The following WDPCP variants were observed in gnomAD, a reference collection of about 807,000 sequenced individuals.
WDPCP encodes the protein WD repeat-containing and planar cell polarity effector protein fritz homolog.
A neutral mutation model predicts 93.1 loss-of-function variants in WDPCP; 71 were observed. That is an observed-to-expected ratio of 0.76 (90% CI 0.63 to 0.93). WDPCP has a LOEUF of 0.93. Among genes scored for constraint, WDPCP ranks in the 40% least tolerant of loss-of-function variants. The probability of loss-of-function intolerance (pLI) is 0.00; values close to 1 mark genes in which losing one functional copy is unlikely to be tolerated. For missense variants in WDPCP, 844 were observed against 887.4 expected (o/e 0.95, Z 0.62); for synonymous variants, 315 against 315.0 (o/e 1.00, Z 0.00).
chr2:63,175,649 A>G (rs543298132), intron 14 of WDPCP, among the ~76,000 whole-genome samples: 3 of 152,296 alleles, frequency 2.0e-5, no homozygotes, highest in African/African-American at 7.2e-5. Flanking sequence ...TATGAATTTG[A>G]TAACTTTAGA....
Position 63,381,943 on chromosome 2 carries a change from G to A in WDPCP, c.1587C>T (p.Asn529=), listed in dbSNP as rs763698807. Residue 529 remains asparagine, a synonymous_variant, in exon 11 of 18, where the codon AAC becomes AAT. Coordinates refer to ENST00000272321, the MANE Select transcript of WDPCP (RefSeq NM_015910.7). ...QCFISMSAIV[N]HLLRQKLTPE... is the part of the protein sequence containing the mutation. ...GAGTGAGCTTCTGTCTAAGAAGATG[G>A]TTTACAATGGCGCTCATGCTGATAA... 2.0e-5 allele frequency: 33 copies of A among 1,613,334 alleles called. No homozygotes were observed. The highest frequency in any genetic ancestry group is 6.7e-5 in the Admixed American group (4 of 59,886).
At chr2:63,579,073 A>T (rs558828351) in intron 1 of WDPCP, among the ~76,000 whole-genome samples, 2 of 152,282 alleles carry the variant, frequency 1.3e-5, no homozygotes, top group East Asian at 3.9e-4. Context: ...GTTCTCCAGA[A>T]AATAATTGAA....
At chr2:63,532,460 A>G (rs969372555) in intron 1 of WDPCP, among the ~76,000 whole-genome samples, 2 of 152,210 alleles carry the variant, frequency 1.3e-5, no homozygotes, top group African/African-American at 4.8e-5. Flanking sequence ...AGCCAGAAAG[A>G]AAGGTCGGGT....
intron 2 of WDPCP, among the ~76,000 whole-genome samples, chr2:63,775,488 T>C (rs1670289170): frequency 1.3e-5 from 2 of 152,234 alleles, no homozygotes; most frequent in South Asian, 4.1e-4. Flanking sequence ...AGCAGTTGGC[T>C]TGTTTGTGTC....
intron 9 of WDPCP, among the ~76,000 whole-genome samples, chr2:63,417,959 G>A (rs1361630320): frequency 6.6e-6 from 1 of 151,988 alleles, no homozygotes; most frequent in East Asian, 1.9e-4. Flanking sequence ...ATGCTAATGT[G>A]ATAGACCAAG....
intron 9 of WDPCP, among the ~76,000 whole-genome samples, chr2:63,412,119 T>C (rs1014060698): frequency 4.6e-5 from 7 of 152,110 alleles, no homozygotes; most frequent in African/African-American, 1.7e-4. Flanking sequence ...ACATTGATGC[T>C]AAACTCCTTA....
chr2:63,194,343 G>C (rs191928544), intron 14 of WDPCP, among the ~76,000 whole-genome samples: 369 of 152,208 alleles, frequency 2.4e-3, no homozygotes, highest in African/African-American at 8.8e-3. Context: ...TGACCCAAAA[G>C]GGTGATAACA....
intron 13 of WDPCP, among the ~76,000 whole-genome samples, chr2:63,312,318 T>C (rs1350914572): frequency 6.6e-6 from 1 of 152,326 alleles, no homozygotes; most frequent in East Asian, 1.9e-4. Flanking sequence ...AACTACAAAA[T>C]GTCTTCACTG....
intron 14 of WDPCP, among the ~76,000 whole-genome samples, chr2:63,197,118 C>T (rs2104290330): frequency 6.6e-6 from 1 of 152,272 alleles, no homozygotes; most frequent in East Asian, 1.9e-4. Context: ...ATGTATTCTG[C>T]CTCTGCCACC....
chr2:63,763,638 T>C (rs1166745321), intron 2 of WDPCP, among the ~76,000 whole-genome samples: 1 of 152,106 alleles, frequency 6.6e-6, no homozygotes, highest in Non-Finnish European at 1.5e-5. Flanking sequence ...CCAAAATTCC[T>C]CTCATATATT....
intron 14 of WDPCP, among the ~76,000 whole-genome samples, chr2:63,231,794 T>C (rs1678912807): frequency 6.6e-6 from 1 of 152,176 alleles, no homozygotes; most frequent in Admixed American, 6.6e-5. Flanking sequence ...CCCATCAAGC[T>C]ACCATTGACT....
chr2:63,606,188 C>T (rs1709524895), intron 3 of WDPCP, among the ~76,000 whole-genome samples: 1 of 152,156 alleles, frequency 6.6e-6, no homozygotes, highest in Non-Finnish European at 1.5e-5. Context: ...TCAAGACCAG[C>T]CGGGGCAACA....
chr2:63,731,079 G>A (rs760986919), intron 2 of WDPCP, among the ~76,000 whole-genome samples: 3 of 152,052 alleles, frequency 2.0e-5, no homozygotes, highest in Non-Finnish European at 4.4e-5. Flanking sequence ...GACAATCCTG[G>A]CAAACATGGT....
At chr2:63,453,400 C>A (rs997916050) in intron 6 of WDPCP, among the ~76,000 whole-genome samples, 1 of 152,072 alleles carries the variant, frequency 6.6e-6, no homozygotes, top group South Asian at 2.1e-4. Context: ...TGAGATATGA[C>A]CTCACACCAG....
At chr2:63,369,495 C>G (rs996396178) in intron 12 of WDPCP, 6 of 456,420 alleles carry the variant, frequency 1.3e-5, no homozygotes, top group African/African-American at 8.0e-5. Flanking sequence ...CGAGGAGTTA[C>G]AAGCAAAAGA....
chr2:63,595,949 T>C (rs1010079652), intron 3 of WDPCP, among the ~76,000 whole-genome samples: 1 of 152,172 alleles, frequency 6.6e-6, no homozygotes, highest in South Asian at 2.1e-4. Context: ...AGCTATACAT[T>C]GCTCTGGAAG....
chr2:63,798,642 C>T (rs1000219453), intron 2 of WDPCP, among the ~76,000 whole-genome samples: 1 of 151,616 alleles, frequency 6.6e-6, no homozygotes, highest in African/African-American at 2.4e-5. Flanking sequence ...AATAGGAAGA[C>T]AGGAAGGAAA....
intron 6 of WDPCP, among the ~76,000 whole-genome samples, chr2:63,458,999 A>G (rs1698825640): frequency 6.6e-6 from 1 of 152,156 alleles, no homozygotes; most frequent in Admixed American, 6.5e-5. Flanking sequence ...TCTTCAATAA[A>G]TGATAACCAC....
At chr2:63,545,020 A>T (rs1364363106) in intron 1 of WDPCP, among the ~76,000 whole-genome samples, 1 of 152,204 alleles carries the variant, frequency 6.6e-6, no homozygotes, top group African/African-American at 2.4e-5. Context: ...TCATAAAGTA[A>T]GCTGGAGGGA....
Sources: allele counts gnomAD v4.1 joint callset (sites outside exome capture counted in the v4.1 genomes callset), GRCh38; gene constraint gnomAD v4.1.1; transcripts MANE v1.5; gene names NCBI Gene and HGNC (gene_info 2026-07-23, HGNC 2026-07-21).